ADAM12: variants seen among roughly 807,000 people sequenced by gnomAD.
The protein encoded by ADAM12 is disintegrin and metalloproteinase domain-containing protein 12.
A neutral mutation model predicts 106.4 loss-of-function variants in ADAM12; 70 were observed. That is an observed-to-expected ratio of 0.66 (90% confidence interval 0.54 to 0.80). The LOEUF (loss-of-function observed/expected upper bound fraction) is 0.80. ADAM12 is among the 30% of genes least tolerant of loss of function. ADAM12 has a pLI of 0.00. For synonymous variants in ADAM12, 420 were observed against 433.5 expected, an observed-to-expected ratio of 0.97 and a Z score of 0.39; for missense variants, 1,010 against 1,171.9, an observed-to-expected ratio of 0.86 and a Z score of 2.02.
chr10:126,043,066 G>C lies in ADAM12; in HGVS notation c.2078C>G (p.Thr693Arg), dbSNP rs1264317468. Reference protein sequence around the residue: ...FCDKFGFGGSTDSGPIRQADN... With the variant: ...FCDKFGFGGSRDSGPIRQADN... ...TGCTTGCCGGATGGGGCCGCTGTCTGTGCTTCCTCCAAAGCCAAACTTGTC... is the reference window on the plus strand; with the variant it reads ...TGCTTGCCGGATGGGGCCGCTGTCTCTGCTTCCTCCAAAGCCAAACTTGTC... The change falls in exon 18 of 23, where the codon ACA becomes AGA. Residue 693 changes from threonine (T) to arginine (R), a missense_variant. Transcript: ENST00000448723. This position sits in a 1 kb window ranked among gnomAD's most constrained non-coding sequence, Gnocchi z 4.1. 6.2e-7 allele frequency: 1 copy of C among 1,614,072 alleles called. No homozygotes were observed. The highest frequency in any genetic ancestry group is 8.5e-7 in the Non-Finnish European group (1 of 1,180,016).
chr10:126,340,293 A>G (rs1854878629), intron 1 of ADAM12, among the ~76,000 whole-genome samples: 1 of 152,262 alleles, frequency 6.6e-6, no homozygotes, highest in Non-Finnish European at 1.5e-5. Flanking sequence ...CATAGATTAC[A>G]TAAACAAGAA....
chr10:126,072,455 G>A (rs1450383071), intron 11 of ADAM12, among the ~76,000 whole-genome samples: 2 of 152,130 alleles, frequency 1.3e-5, no homozygotes, highest in Non-Finnish European at 2.9e-5. Flanking sequence ...GTATTTAAGC[G>A]AGTATTCCTT....
chr10:126,071,549 C>T lies in ADAM12; in HGVS notation c.1251G>A (p.Glu417=), dbSNP rs758239634. 3.1e-6 allele frequency: 5 copies of T among 1,614,104 alleles called. No individual in the cohort carries two copies. The highest frequency in any genetic ancestry group is 3.3e-5 in the Admixed American group (2 of 60,010). The change falls in exon 12 of 23, where the codon GAG becomes GAA. Residue 417 remains glutamate (E), a synonymous_variant. Coordinates refer to ENST00000448723, the MANE Select transcript of ADAM12 (RefSeq NM_001288973.2). The part of the protein sequence containing the change: ...VCLFNLPEVR[E]SFGGQKCGNR... ...TCCCACACTTCTGGCCCCCGAAAGA[C>T]TCCCTGACTTCCGGCAGGTTAAACA...
intron 3 of ADAM12, among the ~76,000 whole-genome samples, chr10:126,174,746 C>G (rs1251210128): frequency 6.7e-6 from 1 of 148,970 alleles, no homozygotes; most frequent in Non-Finnish European, 1.5e-5. Flanking sequence ...GGACCACAGT[C>G]CTCACCCCCC....
At position 126,046,071 on chromosome 10, in the gene ADAM12, T is replaced by A. The variant is rs1954309211; in HGVS notation, c.1979A>T (p.Gln660Leu). ...CCTACTCACCCCTCTGCCGTGGCAC[T>A]GCATTGCACACTCGTGAACCCCAAA... ...SVFGVHECAM[Q>L]CHGRGVCNNR... is the part of the protein sequence containing the mutation. Residue 660 changes from glutamine (Q) to leucine (L), a missense_variant, in exon 17 of 23, where the codon CAG becomes CTG. Transcript: ENST00000448723. The A allele has an allele frequency of 1.2e-6, 2 of 1,614,178 alleles. No homozygotes were observed. Among genetic ancestry groups the A allele is most frequent in the Admixed American group, 1.7e-5 (1 of 60,026 alleles).
intron 3 of ADAM12, among the ~76,000 whole-genome samples, chr10:126,232,571 G>A (rs1958333164): frequency 6.6e-6 from 1 of 152,172 alleles, no homozygotes; most frequent in Admixed American, 6.5e-5. Flanking sequence ...CCCACATGGA[G>A]CCAAGCAATC....
In ADAM12 at chr10:126,066,429, G is replaced by A. The variant is rs993714372; in HGVS notation, c.1413+288C>T. Among the ~76,000 whole-genome samples, 3 of 152,178 alleles carry A rather than the reference G, an allele frequency of 2.0e-5. No individual in the cohort carries two copies. Among genetic ancestry groups the A allele is most frequent in the African/African-American group, 2.4e-5 (1 of 41,444 alleles). Reference sequence around the variant, plus strand: ...TAGTAGAACCCCATGTGCCTCTGACGGCACAAATGGAGCATTTAAAGTTGA... The same window carrying A: ...TAGTAGAACCCCATGTGCCTCTGACAGCACAAATGGAGCATTTAAAGTTGA... On this transcript the variant is annotated intron_variant, in intron 13 of 22. Transcript: ENST00000448723. The surrounding 1 kb of genome is among the most constrained non-coding windows in gnomAD (Gnocchi z 5.1).
chr10:126,378,993 C>T (rs186663133), intron 1 of ADAM12, among the ~76,000 whole-genome samples: 1 of 152,234 alleles, frequency 6.6e-6, no homozygotes, highest in Non-Finnish European at 1.5e-5. Context: ...ATAATGTAGA[C>T]CCTAAATCCT....
At chr10:126,174,753 C>T (rs897532994) in intron 3 of ADAM12, among the ~76,000 whole-genome samples, 1 of 148,236 alleles carries the variant, frequency 6.7e-6, no homozygotes, top group African/African-American at 2.5e-5. Context: ...AGTCCTCACC[C>T]CCCCTTTTTT....
chr10:126,139,265 T>C (rs75636615), intron 4 of ADAM12, among the ~76,000 whole-genome samples: 1 of 147,340 alleles, frequency 6.8e-6, no homozygotes, highest in African/African-American at 2.7e-5. Context: ...TAGTTTTAGA[T>C]TTTTTTTTCC....
chr10:126,087,794 C>T (rs1955385894), intron 11 of ADAM12, among the ~76,000 whole-genome samples: 1 of 152,084 alleles, frequency 6.6e-6, no homozygotes, highest in Non-Finnish European at 1.5e-5. Context: ...CAATTCCTAC[C>T]ACTTCCAAAG....
Position 126,043,235 on chromosome 10 carries a change from C to A in ADAM12, c.1996-87G>T. The stretch of plus-strand genomic sequence containing the variant: ...GAAGCAAGGGGGGCCATGGTCAGAG[C>A]CCCCCCCCAACACTGACACAGCCAG... On this transcript the variant is annotated intron_variant, in intron 17 of 22. Coordinates refer to ENST00000448723, the MANE Select transcript of ADAM12 (RefSeq NM_001288973.2). The surrounding 1 kb of genome is among the most constrained non-coding windows in gnomAD (Gnocchi z 4.1). The A allele has an allele frequency of 1.2e-6, 1 of 868,798 alleles. No individual in the cohort carries two copies. Among genetic ancestry groups the A allele is most frequent in the Non-Finnish European group, 1.6e-6 (1 of 612,506 alleles). The allele number at this position is 868,798 out of a possible 1,614,324, so 53.8% of individuals were successfully genotyped here. A position where few individuals can be genotyped will look rare whatever the true frequency, so the allele number is the denominator to read the frequency against.
chr10:126,329,637 G>A (rs1854430693), intron 2 of ADAM12, among the ~76,000 whole-genome samples: 1 of 152,122 alleles, frequency 6.6e-6, no homozygotes, highest in South Asian at 2.1e-4. Context: ...TCCCTAGATG[G>A]AAATCACCTT....
chr10:126,055,980 G>T (rs1346000260), intron 14 of ADAM12, among the ~76,000 whole-genome samples: 2 of 152,186 alleles, frequency 1.3e-5, no homozygotes, highest in African/African-American at 2.4e-5. Flanking sequence ...TTCAGGGAAA[G>T]AAATGAAAAA....
intron 11 of ADAM12, among the ~76,000 whole-genome samples, chr10:126,078,172 C>T (rs2133518484): frequency 6.6e-6 from 1 of 152,330 alleles, no homozygotes; most frequent in African/African-American, 2.4e-5. Context: ...TCCCCAGGTG[C>T]TGACTCTGCC....
In ADAM12 at chr10:126,153,642, C is replaced by G. The variant is rs1010240001; in HGVS notation, c.339+1585G>C. On this transcript the variant is annotated intron_variant, in intron 4 of 22. Transcript: ENST00000448723. ...TGTTTCTCTTGTCTGCTGATGCTTG[C>G]GTACAACGGCTTTTTGCATTGTGTG... Among the ~76,000 whole-genome samples, 9 of 152,216 alleles carry G rather than the reference C, an allele frequency of 5.9e-5. No homozygotes were observed. In the South Asian group the frequency reaches 1.9e-3, roughly 32 times the overall value.
chr10:126,337,757 T>G (rs938143333), intron 1 of ADAM12, among the ~76,000 whole-genome samples: 4 of 152,088 alleles, frequency 2.6e-5, no homozygotes, highest in African/African-American at 9.6e-5. Flanking sequence ...GTTTAGGTTG[T>G]TTTTTTTGTT....
chr10:126,370,638 T>C (rs1168749069), intron 1 of ADAM12, among the ~76,000 whole-genome samples: 1 of 152,202 alleles, frequency 6.6e-6, no homozygotes, highest in African/African-American at 2.4e-5. Flanking sequence ...AGTATTGTTC[T>C]ATCTCAGTGT....
chr10:126,205,704 T>C (rs1957782716), intron 3 of ADAM12, among the ~76,000 whole-genome samples: 1 of 152,230 alleles, frequency 6.6e-6, no homozygotes, highest in Admixed American at 6.5e-5. Flanking sequence ...AGATATAGAA[T>C]CTTATCTCAA....
Sources: allele counts gnomAD v4.1 joint callset (sites outside exome capture counted in the v4.1 genomes callset), GRCh38; gene constraint gnomAD v4.1.1; non-coding constraint Gnocchi (gnomAD v3.1); transcripts MANE v1.5; gene names NCBI Gene and HGNC (gene_info 2026-07-23, HGNC 2026-07-21).